SSX2IP: variants seen among roughly 807,000 people sequenced by gnomAD.
The protein encoded by SSX2IP is SSX family member 2 interacting protein.
Under a neutral mutation model 84.9 loss-of-function variants are expected in SSX2IP, and 55 were observed. That is an observed-to-expected ratio of 0.65 (90% CI 0.52 to 0.81). SSX2IP has a LOEUF of 0.81. Among genes scored for constraint, SSX2IP ranks in the 30% least tolerant of loss-of-function variants. The pLI is 0.00. For synonymous variants in SSX2IP, 239 were observed against 234.7 expected (o/e 1.02, Z -0.17); for missense variants, 664 against 705.2 (o/e 0.94, Z 0.66).
chr1:84,667,193 C>T lies in SSX2IP; in HGVS notation c.427-961G>A, dbSNP rs182109438. ...CTCAGCATGATTATCAACACTTTAC[C>T]TGAACTCAGCACCACCCCTGAACAT... is the stretch of plus-strand genomic sequence containing the variant. On this transcript the variant is annotated intron_variant, in intron 4 of 13. Coordinates refer to ENST00000342203, the MANE Select transcript of SSX2IP (RefSeq NM_001166293.2). Among the ~76,000 whole-genome samples the T allele has an allele frequency of 4.0e-5, 6 of 151,306 alleles. No homozygotes were observed. The East Asian group carries it at 1.2e-3, about 29-fold the overall frequency.
At chr1:84,680,357 A>C (rs193195785) in intron 1 of SSX2IP, 1 of 152,348 alleles carries the variant, frequency 6.6e-6, no homozygotes, top group East Asian at 1.9e-4. Flanking sequence ...GGTCCTGAAC[A>C]TAAATCTTCT....
rs559247320 is a variant in SSX2IP at position 84,682,630 on chromosome 1, G to A, written c.-90+7741C>T. On this transcript the variant is annotated intron_variant, in intron 1 of 13. Transcript: ENST00000342203. ...AGCAATTCTCCTGCCTTGACCTCCCGAGTAGCTGGGACTACAGGCGCATGC... is the reference window on the plus strand; with the variant it reads ...AGCAATTCTCCTGCCTTGACCTCCCAAGTAGCTGGGACTACAGGCGCATGC... Among the ~76,000 whole-genome samples, 15 of 151,186 alleles carry A rather than the reference G, an allele frequency of 9.9e-5. 1 individual carries two copies. The East Asian group carries it at 1.2e-3, about 12-fold the overall frequency.
intron 1 of SSX2IP, among the ~76,000 whole-genome samples, chr1:84,678,573 T>C (rs542844050): frequency 1.3e-5 from 2 of 152,282 alleles, no homozygotes; most frequent in South Asian, 4.1e-4. Context: ...GCTTAAAGGA[T>C]GGCATAATCA....
intron 1 of SSX2IP, among the ~76,000 whole-genome samples, chr1:84,672,314 G>A (rs1476380084): frequency 6.6e-6 from 1 of 152,062 alleles, no homozygotes; most frequent in African/African-American, 2.4e-5. Context: ...GTGGTCAAGG[G>A]GAAAGCGGTT....
intron 11 of SSX2IP, among the ~76,000 whole-genome samples, chr1:84,653,012 A>G (rs1230137791): frequency 6.6e-6 from 1 of 152,214 alleles, no homozygotes; most frequent in Non-Finnish European, 1.5e-5. Flanking sequence ...AGCCTGGGCA[A>G]CAGAGTGAGA....
intron 1 of SSX2IP, among the ~76,000 whole-genome samples, chr1:84,673,307 C>T (rs182037662): frequency 2.4e-4 from 37 of 152,024 alleles, no homozygotes; most frequent in African/African-American, 8.5e-4. Context: ...CTAAATGATA[C>T]GGAGTCAGCC....
intron 5 of SSX2IP, 29 bp from the exon 6 acceptor site, chr1:84,664,581 C>T: frequency 1.3e-6 from 2 of 1,517,180 alleles, no homozygotes; most frequent in Non-Finnish European, 1.8e-6. Context: ...ATTATAAGCC[C>T]AGTAACGATT....
At chr1:84,658,157 TA>T in intron 9 of SSX2IP, 160 bp downstream of exon 9, 1 of 727,610 alleles carries the variant, frequency 1.4e-6, no homozygotes, top group Non-Finnish European at 2.1e-6. Flanking sequence ...TAAAATAAAA[TA>T]AAATGAAAAA....
At chr1:84,675,069 A>G (rs1353126285) in intron 1 of SSX2IP, among the ~76,000 whole-genome samples, 2 of 152,238 alleles carry the variant, frequency 1.3e-5, no homozygotes, top group Non-Finnish European at 2.9e-5. Context: ...TTTCAAAAGC[A>G]AAAGAAAAAG....
At chr1:84,669,431 A>G (rs1653220308) in intron 4 of SSX2IP, among the ~76,000 whole-genome samples, 1 of 152,150 alleles carries the variant, frequency 6.6e-6, no homozygotes, top group African/African-American at 2.4e-5. Flanking sequence ...TTCCCAGAGC[A>G]TAAATATTTC....
chr1:84,661,639 CATA>C (rs1408227238), intron 8 of SSX2IP, among the ~76,000 whole-genome samples: 3 of 152,056 alleles, frequency 2.0e-5, no homozygotes, highest in Non-Finnish European at 4.4e-5. Context: ...GAGACTAGAA[CATA>C]AAGAACACCC....
At chr1:84,660,643 T>C (rs536391537) in intron 8 of SSX2IP, among the ~76,000 whole-genome samples, 173 of 152,132 alleles carry the variant, frequency 1.1e-3, no homozygotes, top group African/African-American at 4.0e-3. Context: ...TGCATGCCTG[T>C]AATCCCAGCT....
intron 1 of SSX2IP, among the ~76,000 whole-genome samples, chr1:84,673,691 T>C (rs1347134968): frequency 2.0e-5 from 3 of 152,090 alleles, no homozygotes; most frequent in African/African-American, 7.2e-5. Context: ...AACAGGCAGA[T>C]GAATTAGGGA....
chr1:84,676,783 C>T (rs6670415), intron 1 of SSX2IP, among the ~76,000 whole-genome samples: 12,759 of 130,084 alleles, frequency 0.098, 641 homozygotes, highest in East Asian at 0.21. Flanking sequence ...AGTACAGTGG[C>T]GCAATCTCAG....
At chr1:84,682,367 T>C (rs1204127363) in intron 1 of SSX2IP, among the ~76,000 whole-genome samples, 2 of 152,180 alleles carry the variant, frequency 1.3e-5, no homozygotes, top group Admixed American at 1.3e-4. Context: ...CATAATTTCT[T>C]TGGGTTTCAA....
chr1:84,659,105 T>C (rs1651547098), intron 8 of SSX2IP, among the ~76,000 whole-genome samples: 1 of 152,220 alleles, frequency 6.6e-6, no homozygotes, highest in Admixed American at 6.5e-5. Flanking sequence ...TATGTCATAA[T>C]AACCCACATC....
chr1:84,663,897 A>G (rs1253007056), intron 6 of SSX2IP, among the ~76,000 whole-genome samples: 2 of 152,186 alleles, frequency 1.3e-5, no homozygotes, highest in Admixed American at 1.3e-4. Context: ...GAAATGGCTT[A>G]AAGTTTTGAA....
intron 4 of SSX2IP, among the ~76,000 whole-genome samples, chr1:84,668,064 C>T (rs1017189413): frequency 6.6e-6 from 1 of 152,134 alleles, no homozygotes; most frequent in Non-Finnish European, 1.5e-5. Context: ...ACTTTCCCCA[C>T]TGAATACACA....
chr1:84,668,945 A>T (rs1653131768), intron 4 of SSX2IP, among the ~76,000 whole-genome samples: 1 of 152,142 alleles, frequency 6.6e-6, no homozygotes, highest in Admixed American at 6.6e-5. Context: ...ATTTAGGAAA[A>T]AATTTGACTT....
Sources: gnomAD v4.1 joint callset for allele counts (sites outside exome capture counted in the v4.1 genomes callset) on GRCh38, gnomAD v4.1.1 for gene constraint, MANE v1.5 for transcripts, NCBI Gene and HGNC (gene_info 2026-07-23, HGNC 2026-07-21) for gene names.